SCD5: variants seen among roughly 807,000 people sequenced by gnomAD.
SCD5 encodes acyl-CoA-desaturase 4.
A neutral mutation model predicts 30.4 loss-of-function variants in SCD5; 20 were observed. That is an observed-to-expected ratio of 0.66 (90% CI 0.46 to 0.96). The LOEUF is 0.96. SCD5 is among the 40% of genes least tolerant of loss of function. The pLI is 0.00. For synonymous variants in SCD5, 173 were observed against 176.4 expected (o/e 0.98, Z 0.16); for missense variants, 381 against 443.3 (o/e 0.86, Z 1.26).
At chr4:82,732,762 G>A (rs1430213480) in intron 1 of SCD5, among the ~76,000 whole-genome samples, 1 of 152,178 alleles carries the variant, frequency 6.6e-6, no homozygotes, top group Non-Finnish European at 1.5e-5. Flanking sequence ...GCCACTCTGG[G>A]TACTAAAGAC....
intron 1 of SCD5, among the ~76,000 whole-genome samples, chr4:82,732,576 T>G (rs1453032799): frequency 6.6e-6 from 1 of 152,224 alleles, no homozygotes; most frequent in African/African-American, 2.4e-5. Context: ...CTGTCCAAGG[T>G]TGGTTACCAC....
At chr4:82,653,057 G>A (rs1165679498) in intron 3 of SCD5, among the ~76,000 whole-genome samples, 2 of 152,188 alleles carry the variant, frequency 1.3e-5, no homozygotes, top group African/African-American at 4.8e-5. Flanking sequence ...GGGGGACTGA[G>A]ACAGGAGGAT....
chr4:82,684,797 A>G (rs994855562), intron 2 of SCD5, among the ~76,000 whole-genome samples: 2 of 152,132 alleles, frequency 1.3e-5, no homozygotes, highest in African/African-American at 4.8e-5. Context: ...TCTTGTCTAA[A>G]ACTATGTGTG....
intron 1 of SCD5, among the ~76,000 whole-genome samples, chr4:82,735,728 G>T (rs750497983): frequency 6.6e-6 from 1 of 152,144 alleles, no homozygotes; most frequent in African/African-American, 2.4e-5. Context: ...TTTTATTACC[G>T]AAATGCATGT....
At chr4:82,724,105 T>C (rs897235079) in intron 1 of SCD5, among the ~76,000 whole-genome samples, 2 of 152,254 alleles carry the variant, frequency 1.3e-5, no homozygotes, top group Non-Finnish European at 2.9e-5. Context: ...TAATAATTAT[T>C]GAATCTAGTG....
chr4:82,663,334 G>C (rs1271464597), intron 3 of SCD5, among the ~76,000 whole-genome samples: 1 of 152,124 alleles, frequency 6.6e-6, no homozygotes, highest in East Asian at 1.9e-4. Context: ...CTCAAGCCTC[G>C]GACACAAAAG....
At chr4:82,779,159 T>G (rs1721816444) in intron 1 of SCD5, among the ~76,000 whole-genome samples, 1 of 151,400 alleles carries the variant, frequency 6.6e-6, no homozygotes, top group South Asian at 2.1e-4. Context: ...GTCACTGCGA[T>G]CAGCTGCCAA....
chr4:82,709,954 T>G (rs1015120462), intron 1 of SCD5, among the ~76,000 whole-genome samples: 13 of 152,308 alleles, frequency 8.5e-5, no homozygotes, highest in Middle Eastern at 3.4e-3. Flanking sequence ...GTAGATATCA[T>G]CATTTCCATT....
At chr4:82,665,106 G>T (rs1199144597) in intron 3 of SCD5, among the ~76,000 whole-genome samples, 5 of 143,348 alleles carry the variant, frequency 3.5e-5, no homozygotes, top group African/African-American at 1.3e-4. Context: ...AGGCATGGTG[G>T]TATGTGCCTG....
chr4:82,734,172 G>A (rs186399261), intron 1 of SCD5, among the ~76,000 whole-genome samples: 32 of 152,328 alleles, frequency 2.1e-4, no homozygotes, highest in Non-Finnish European at 4.0e-4. Context: ...GAAGGAAGCC[G>A]AAGGATGCAG....
At chr4:82,727,854 C>T (rs114990449) in intron 1 of SCD5, among the ~76,000 whole-genome samples, 15,445 of 152,086 alleles carry the variant, frequency 0.1, 926 homozygotes, top group African/African-American at 0.16. Context: ...ATTACAGGTA[C>T]GCACCATCAC....
At chr4:82,737,208 C>T (rs1202923589) in intron 1 of SCD5, among the ~76,000 whole-genome samples, 1 of 152,152 alleles carries the variant, frequency 6.6e-6, no homozygotes, top group Non-Finnish European at 1.5e-5. Context: ...GCCAGTTTAA[C>T]GGCATTGCAT....
At chr4:82,641,441 G>C (rs897169139) in intron 3 of SCD5, among the ~76,000 whole-genome samples, 24 of 152,034 alleles carry the variant, frequency 1.6e-4, no homozygotes, top group African/African-American at 5.8e-4. Context: ...AAAAAGCAGA[G>C]AAGGAGAATA....
chr4:82,782,898 G>A (rs1721903072), intron 1 of SCD5, among the ~76,000 whole-genome samples: 1 of 152,186 alleles, frequency 6.6e-6, no homozygotes, highest in South Asian at 2.1e-4. Flanking sequence ...GTCACTCTAA[G>A]GAGAGCCACA....
At position 82,798,601 on chromosome 4, in the gene SCD5, C is replaced by T; in HGVS notation, c.-64G>A. The T allele has an allele frequency of 7.1e-7, 1 of 1,409,564 alleles. No homozygotes were observed. Among genetic ancestry groups the T allele is most frequent in the Non-Finnish European group, 9.5e-7 (1 of 1,055,134 alleles). The allele number at this position is 1,409,564 out of a possible 1,614,324, so 87.3% of individuals were successfully genotyped here. A position where few individuals can be genotyped will look rare whatever the true frequency, so the allele number is the denominator to read the frequency against. On this transcript the variant is annotated 5_prime_UTR_variant, in exon 1 of 5. Transcript: ENST00000319540. ...GCAGGCGCTCTGCCCGAGCGGAGCT[C>T]GAGGGTGGGGGCGGGGGCTTCTGCC...
At chr4:82,763,466 G>A (rs961826184) in intron 1 of SCD5, among the ~76,000 whole-genome samples, 3 of 152,156 alleles carry the variant, frequency 2.0e-5, no homozygotes, top group Non-Finnish European at 4.4e-5. Context: ...AGCGGAGATC[G>A]TGCCACTGCA....
chr4:82,679,240 G>GAGAGAAAGAA, intron 3 of SCD5, among the ~76,000 whole-genome samples: 1 of 99,932 alleles, frequency 1.0e-5, no homozygotes, highest in East Asian at 5.8e-4. Flanking sequence ...AAGAAAGAAA[G>GAGAGAAAGAA]AAAGAAAGAA....
intron 1 of SCD5, among the ~76,000 whole-genome samples, chr4:82,709,955 C>T (rs184523856): frequency 6.6e-6 from 1 of 152,310 alleles, no homozygotes; most frequent in Admixed American, 6.5e-5. Context: ...TAGATATCAT[C>T]ATTTCCATTT....
intron 1 of SCD5, among the ~76,000 whole-genome samples, chr4:82,723,757 T>C (rs1465739957): frequency 4.6e-5 from 7 of 152,054 alleles, no homozygotes; most frequent in Admixed American, 4.6e-4. Context: ...GTAGAAACAA[T>C]CACACAAAAA....
Sources: allele counts gnomAD v4.1 joint callset (sites outside exome capture counted in the v4.1 genomes callset), GRCh38; gene constraint gnomAD v4.1.1; transcripts MANE v1.5; gene names NCBI Gene and HGNC (gene_info 2026-07-23, HGNC 2026-07-21).